Variants in SEMA3E observed in about 807,000 individuals in gnomAD.
The protein encoded by SEMA3E is semaphorin-3E.
SEMA3E carries 49 observed loss-of-function variants against 93.6 expected under a neutral mutation model. That is an observed-to-expected ratio of 0.52 (90% confidence interval 0.42 to 0.66). The LOEUF is 0.66. SEMA3E is among the 30% of genes least tolerant of loss of function. SEMA3E has a pLI of 0.00. For missense variants in SEMA3E, 906 were observed against 964.8 expected, an observed-to-expected ratio of 0.94 and a Z score of 0.81; for synonymous variants, 363 against 330.7, an observed-to-expected ratio of 1.10 and a Z score of -1.06.
intron 4 of SEMA3E, among the ~76,000 whole-genome samples, chr7:83,460,590 C>T (rs922858353): frequency 2.0e-5 from 3 of 150,558 alleles, no homozygotes; most frequent in African/African-American, 7.3e-5. Flanking sequence ...GGGGCAAGTA[C>T]CCCAACCCCT....
At position 83,550,511 on chromosome 7, in the gene SEMA3E, A is replaced by G. The variant is rs200120033; in HGVS notation, c.116-60237T>C. On this transcript the variant is annotated intron_variant, in intron 1 of 16. Transcript: ENST00000643230. ...TTGTTGATTTTTAAAAAATTGTGGC[A>G]TATCTTTTTCAAAAGGTAAACAAAA... 6.0e-4 allele frequency among the ~76,000 whole-genome samples: 92 copies of G among 152,238 alleles called. No homozygotes were observed. In the East Asian group the frequency reaches 0.014, roughly 22 times the overall value.
intron 1 of SEMA3E, among the ~76,000 whole-genome samples, chr7:83,493,028 C>A (rs1394888863): frequency 6.6e-5 from 10 of 151,914 alleles, no homozygotes; most frequent in Admixed American, 5.9e-4. Flanking sequence ...AACCTCTTAA[C>A]CTCTTTAGAC....
chr7:83,415,635 G>T (rs1344880661), intron 5 of SEMA3E, among the ~76,000 whole-genome samples: 1 of 151,714 alleles, frequency 6.6e-6, no homozygotes, highest in Admixed American at 6.6e-5. Context: ...CCTCTTCTTC[G>T]TATGAACTTA....
intron 4 of SEMA3E, among the ~76,000 whole-genome samples, chr7:83,432,059 CAGTGCAGCCTTTGA>C (rs1044239998): frequency 1.1e-4 from 16 of 151,612 alleles, no homozygotes; most frequent in African/African-American, 3.9e-4. Context: ...AGTCTCAGTG[CAGTGCAGCCTTTGA>C]ATCATCACAG....
Position 83,363,561 on chromosome 7 carries a change from A to G in SEMA3E, c.*4025T>C. The G allele has an allele frequency of 6.6e-6, 1 of 152,176 alleles. No individual in the cohort carries two copies. Among genetic ancestry groups the G allele is most frequent in the East Asian group, 1.9e-4 (1 of 5,176 alleles). The allele number at this position is 152,176 out of a possible 1,614,324, so 9.4% of individuals were successfully genotyped here. Reference sequence around the variant, plus strand: ...AACACAATTTATAATGAAAGCCAAAATATAAAGCTATCCTTCCAAGAAAAA... The same window carrying G: ...AACACAATTTATAATGAAAGCCAAAGTATAAAGCTATCCTTCCAAGAAAAA... On this transcript the variant is annotated 3_prime_UTR_variant, in exon 17 of 17. Transcript: ENST00000643230.
intron 1 of SEMA3E, among the ~76,000 whole-genome samples, chr7:83,601,091 T>C (rs868739762): frequency 1.3e-5 from 2 of 152,148 alleles, no homozygotes; most frequent in Non-Finnish European, 2.9e-5. Context: ...GAGGTCAGAA[T>C]GGTGCAAGGA....
chr7:83,552,220 C>T (rs530673087), intron 1 of SEMA3E, among the ~76,000 whole-genome samples: 10 of 152,274 alleles, frequency 6.6e-5, no homozygotes, highest in Middle Eastern at 3.4e-3. Flanking sequence ...GCTGGAGCCA[C>T]GGCAGAGGAA....
At chr7:83,429,391 A>G (rs1369394267) in intron 4 of SEMA3E, among the ~76,000 whole-genome samples, 2 of 151,666 alleles carry the variant, frequency 1.3e-5, no homozygotes, top group Non-Finnish European at 2.9e-5. Flanking sequence ...CAATATTACA[A>G]CTCCCACACT....
At chr7:83,626,253 A>G (rs1260422821) in intron 1 of SEMA3E, among the ~76,000 whole-genome samples, 1 of 152,074 alleles carries the variant, frequency 6.6e-6, no homozygotes, top group East Asian at 1.9e-4. Flanking sequence ...CTCTTTTTCT[A>G]TTGTTTGGAA....
intron 1 of SEMA3E, among the ~76,000 whole-genome samples, chr7:83,602,675 A>G (rs1394658348): frequency 1.3e-5 from 2 of 152,056 alleles, no homozygotes; most frequent in African/African-American, 4.8e-5. Flanking sequence ...ACGGGGTTTC[A>G]CCATGTTGGC....
At chr7:83,520,095 G>T (rs1188999932) in intron 1 of SEMA3E, among the ~76,000 whole-genome samples, 1 of 152,120 alleles carries the variant, frequency 6.6e-6, no homozygotes. Context: ...CCCTGCTAGG[G>T]TGGTATCTTC....
intron 4 of SEMA3E, among the ~76,000 whole-genome samples, chr7:83,449,437 A>G (rs933761789): frequency 6.6e-6 from 1 of 151,930 alleles, no homozygotes; most frequent in Non-Finnish European, 1.5e-5. Context: ...TTTTATGCTT[A>G]AAATATTTTA....
intron 1 of SEMA3E, among the ~76,000 whole-genome samples, chr7:83,556,312 T>C (rs560941272): frequency 9.2e-5 from 14 of 152,306 alleles, no homozygotes; most frequent in Non-Finnish European, 1.8e-4. Context: ...ATTACATATG[T>C]CCATGCAAAT....
At chr7:83,602,412 G>A (rs1013886811) in intron 1 of SEMA3E, among the ~76,000 whole-genome samples, 8 of 151,814 alleles carry the variant, frequency 5.3e-5, no homozygotes, top group East Asian at 3.9e-4. Context: ...CTATCTCCAC[G>A]GCCCTCCCCT....
At chr7:83,575,989 T>G (rs1792394165) in intron 1 of SEMA3E, among the ~76,000 whole-genome samples, 1 of 152,180 alleles carries the variant, frequency 6.6e-6, no homozygotes, top group African/African-American at 2.4e-5. Flanking sequence ...AACGATGTAT[T>G]GTTACATTAG....
At chr7:83,616,727 C>CTTTTT in intron 1 of SEMA3E, 1 of 417,656 alleles carries the variant, frequency 2.4e-6, no homozygotes, top group Non-Finnish European at 4.8e-6. Context: ...TTCTTTCTTT[C>CTTTTT]TTTTTTTTTT....
At chr7:83,401,408 G>A (rs1469756037) in intron 10 of SEMA3E, among the ~76,000 whole-genome samples, 1 of 151,870 alleles carries the variant, frequency 6.6e-6, no homozygotes, top group African/African-American at 2.4e-5. Context: ...TCCTAATTTG[G>A]CATGGATTTT....
At chr7:83,468,936 A>T (rs1789833788) in intron 3 of SEMA3E, among the ~76,000 whole-genome samples, 1 of 152,334 alleles carries the variant, frequency 6.6e-6, no homozygotes, top group Admixed American at 6.5e-5. Flanking sequence ...AAAAAAAATT[A>T]CCTGCAATTA....
chr7:83,634,891 T>C (rs1793850774), intron 1 of SEMA3E, among the ~76,000 whole-genome samples: 2 of 152,094 alleles, frequency 1.3e-5, no homozygotes, highest in East Asian at 3.8e-4. Context: ...ATTTGGATAA[T>C]TGAATGTCCC....
Sources: allele counts gnomAD v4.1 joint callset (sites outside exome capture counted in the v4.1 genomes callset), GRCh38; gene constraint gnomAD v4.1.1; transcripts MANE v1.5; gene names NCBI Gene and HGNC (gene_info 2026-07-23, HGNC 2026-07-21).